DHRS3: variants seen among roughly 807,000 people sequenced by gnomAD.
DHRS3 encodes short-chain dehydrogenase/reductase 3.
Under a neutral mutation model 27.2 loss-of-function variants are expected in DHRS3, and 14 were observed. The ratio of observed to expected loss-of-function variants is 0.52; its 90% CI spans 0.34 to 0.81. The LOEUF (loss-of-function observed/expected upper bound fraction) is 0.81. Among genes scored for constraint, DHRS3 ranks in the 30% least tolerant of loss-of-function variants. The probability of loss-of-function intolerance (pLI) is 0.01; values close to 1 mark genes in which losing one functional copy is unlikely to be tolerated. For synonymous variants in DHRS3, 165 were observed against 175.9 expected, an observed-to-expected ratio of 0.94 and a Z score of 0.49; for missense variants, 322 against 406.2, an observed-to-expected ratio of 0.79 and a Z score of 1.78.
intron 1 of DHRS3, among the ~76,000 whole-genome samples, chr1:12,583,612 TCCA>T (rs1646666574): frequency 1.5e-5 from 2 of 135,338 alleles, no homozygotes; most frequent in Admixed American, 1.5e-4. Flanking sequence ...CATCCATCCA[TCCA>T]TCCATCCATC....
Position 12,592,506 on chromosome 1 carries a change from C to T in DHRS3, c.196-11840G>A, listed in dbSNP as rs747140117. Reference sequence around the variant, plus strand: ...ACGGCAGTGAGGCGGCCACAAGCCACGCGATGCCAGGAGCTGCCAAGAGCC... The same window carrying T: ...ACGGCAGTGAGGCGGCCACAAGCCATGCGATGCCAGGAGCTGCCAAGAGCC... On this transcript the variant is annotated intron_variant, in intron 1 of 5. Coordinates refer to ENST00000616661, the MANE Select transcript of DHRS3 (RefSeq NM_004753.7). This position sits in a 1 kb window ranked among gnomAD's most constrained non-coding sequence, Gnocchi z 4.2. Among the ~76,000 whole-genome samples the T allele has an allele frequency of 2.4e-4, 37 of 152,190 alleles. No homozygotes were observed. Among genetic ancestry groups the T allele is most frequent in the Non-Finnish European group, 4.7e-4 (32 of 68,024 alleles).
chr1:12,616,785 A>G (rs1570408126), intron 1 of DHRS3: 1 of 1,115,716 alleles, frequency 9.0e-7, no homozygotes, highest in African/African-American at 1.9e-5. Flanking sequence ...GAGTGCGCAC[A>G]CCCTGCACTC....
Position 12,617,365 on chromosome 1 carries a change from C to T in DHRS3, c.-17G>A. The T allele has an allele frequency of 3.8e-6, 6 of 1,593,266 alleles. No homozygotes were observed. Among genetic ancestry groups the T allele is most frequent in the East Asian group, 2.3e-5 (1 of 44,142 alleles). On this transcript the variant is annotated 5_prime_UTR_variant, in exon 1 of 6. Coordinates refer to ENST00000616661, the MANE Select transcript of DHRS3 (RefSeq NM_004753.7). ...CCACACCATCCTCCGCGCCGCGGAG[C>T]CGGGCAGGGGGCGAAACTCCCCGGG...
intron 1 of DHRS3, among the ~76,000 whole-genome samples, chr1:12,585,465 G>A (rs1292802057): frequency 6.6e-6 from 1 of 152,144 alleles, no homozygotes; most frequent in Non-Finnish European, 1.5e-5. Context: ...TGGATGCTGG[G>A]AGTCGCAGGG....
Position 12,593,298 on chromosome 1 carries a change from G to C in DHRS3, c.196-12632C>G, listed in dbSNP as rs1214891449. 6.6e-6 allele frequency among the ~76,000 whole-genome samples: 1 copy of C among 152,188 alleles called. No individual in the cohort carries two copies. The highest frequency in any genetic ancestry group is 1.5e-5 in the Non-Finnish European group (1 of 68,028). ...CTACCTTAGGGCCTTTGTACTGGCTGCTCTCTGTTCTCTTTTCCCAAGTAT... is the reference window on the plus strand; with the variant it reads ...CTACCTTAGGGCCTTTGTACTGGCTCCTCTCTGTTCTCTTTTCCCAAGTAT... On this transcript the variant is annotated intron_variant, in intron 1 of 5. Transcript: ENST00000616661. The surrounding 1 kb of genome is among the most constrained non-coding windows in gnomAD (Gnocchi z 4.6).
In DHRS3 at chr1:12,593,391, C is replaced by T. The variant is rs1010804426; in HGVS notation, c.196-12725G>A. Reference sequence around the variant, plus strand: ...TTATGATTATTATTATTTGTAGAGACGGGGGTATCACATTGTTGCCCAGGC... The same window carrying T: ...TTATGATTATTATTATTTGTAGAGATGGGGGTATCACATTGTTGCCCAGGC... On this transcript the variant is annotated intron_variant, in intron 1 of 5. Transcript: ENST00000616661. The surrounding 1 kb of genome is among the most constrained non-coding windows in gnomAD (Gnocchi z 4.6). 1.3e-5 allele frequency among the ~76,000 whole-genome samples: 2 copies of T among 152,004 alleles called. No homozygotes were observed. The highest frequency in any genetic ancestry group is 2.9e-5 in the Non-Finnish European group (2 of 67,998).
At chr1:12,582,326 T>G (rs993540591) in intron 1 of DHRS3, among the ~76,000 whole-genome samples, 13 of 152,342 alleles carry the variant, frequency 8.5e-5, no homozygotes, top group Non-Finnish European at 1.8e-4. Context: ...ATTAGAGTTT[T>G]AAAAGCTTTC....
rs1414790710 is a variant in DHRS3 at position 12,568,374 on chromosome 1, T to C, written c.875A>G (p.Tyr292Cys). Residue 292 changes from tyrosine (Y) to cysteine (C), a missense_variant, in exon 6 of 6, where the codon TAC becomes TGC. Tyr to Cys is a radical substitution (Grantham distance 194). Coordinates refer to ENST00000616661, the MANE Select transcript of DHRS3 (RefSeq NM_004753.7). Reference sequence around the variant, plus strand: ...CCCTTTGAAAGTGTTCATGCAGGTGTAGGTTCCTGAGAATTTGTGGATCTC... The same window carrying C: ...CCCTTTGAAAGTGTTCATGCAGGTGCAGGTTCCTGAGAATTTGTGGATCTC... ...LEEIHKFSGTYTCMNTFKGRT is the reference protein window; with the variant it reads ...LEEIHKFSGTCTCMNTFKGRT 1.9e-6 allele frequency: 3 copies of C among 1,613,846 alleles called. No homozygotes were observed. The highest frequency in any genetic ancestry group is 1.3e-5 in the African/African-American group (1 of 74,916).
At chr1:12,590,089 T>C (rs2100687580) in intron 1 of DHRS3, among the ~76,000 whole-genome samples, 1 of 152,140 alleles carries the variant, frequency 6.6e-6, no homozygotes, top group South Asian at 2.1e-4. Flanking sequence ...CCTGAGAAGG[T>C]AGAGACCAGC....
At chr1:12,610,008 G>A (rs188281907) in intron 1 of DHRS3, among the ~76,000 whole-genome samples, 2 of 151,992 alleles carry the variant, frequency 1.3e-5, no homozygotes, top group African/African-American at 2.4e-5. Flanking sequence ...TCAGGCCCTC[G>A]CATTCCCATC....
intron 5 of DHRS3, among the ~76,000 whole-genome samples, chr1:12,570,305 T>C (rs957039137): frequency 5.3e-5 from 8 of 152,238 alleles, no homozygotes; most frequent in Non-Finnish European, 2.9e-5. Flanking sequence ...ACCCGTTTAC[T>C]TGTCAAGCCT....
At chr1:12,583,077 T>A (rs1646658710) in intron 1 of DHRS3, among the ~76,000 whole-genome samples, 1 of 143,710 alleles carries the variant, frequency 7.0e-6, no homozygotes, top group South Asian at 2.3e-4. Context: ...ATTCCATTAA[T>A]CTGTCCACTC....
In DHRS3 at chr1:12,617,313, G is replaced by T. The variant is rs958866055; in HGVS notation, c.36C>A (p.Phe12Leu). The T allele has an allele frequency of 6.2e-7, 1 of 1,607,674 alleles. No individual in the cohort carries two copies. The highest frequency in any genetic ancestry group is 1.3e-5 in the African/African-American group (1 of 74,676). ...VWKRLGALVM[F>L]PLQMIYLVVK... ...CCACCAGATAGATCATCTGTAGAGG[G>T]AACATCACCAGCGCGCCCAGCCGTT... Residue 12 changes from phenylalanine (F) to leucine (L), a missense_variant, in exon 1 of 6, where the codon TTC becomes TTA. Transcript: ENST00000616661.
In DHRS3 at chr1:12,617,521, A is replaced by T; in HGVS notation, c.-173T>A. The T allele has an allele frequency of 6.9e-4, 120 of 173,026 alleles. No individual in the cohort carries two copies. The highest frequency in any genetic ancestry group is 1.6e-3 in the East Asian group (17 of 10,624). 10.7% of individuals were successfully genotyped at this position (173,026 alleles called of 1,614,324 possible). On this transcript the variant is annotated 5_prime_UTR_variant, in exon 1 of 6. Transcript: ENST00000616661. ...ATGCAAAGCACCGGGTGAGAAAAAG[A>T]AAAAAAAAAAAAAAAAAAAGATAAA...
chr1:12,600,313 AG>A, intron 1 of DHRS3: 2 of 982,236 alleles, frequency 2.0e-6, no homozygotes, highest in Non-Finnish European at 2.4e-6. Flanking sequence ...CTGCTGGCTG[AG>A]GAGGTGTGAG....
chr1:12,568,469 A>G, intron 5 of DHRS3, 45 bp from the exon 6 acceptor site: 2 of 1,592,204 alleles, frequency 1.3e-6, no homozygotes, highest in Admixed American at 1.7e-5. Context: ...TTAGTGGGGC[A>G]GGATCCAGGG....
chr1:12,568,234 C>A lies in DHRS3; in HGVS notation c.*106G>T, dbSNP rs1009276581. The A allele has an allele frequency of 2.7e-6, 3 of 1,102,414 alleles. No individual in the cohort carries two copies. Among genetic ancestry groups the A allele is most frequent in the Non-Finnish European group, 4.1e-6 (3 of 726,484 alleles). 68.3% of individuals were successfully genotyped at this position (1,102,414 alleles called of 1,614,324 possible). A position where few individuals can be genotyped will look rare whatever the true frequency, so the allele number is the denominator to read the frequency against. On this transcript the variant is annotated 3_prime_UTR_variant, in exon 6 of 6. Coordinates refer to ENST00000616661, the MANE Select transcript of DHRS3 (RefSeq NM_004753.7). ...ATTCTTCGCTGGGGACAGGAGCTGTCCTGCTCACCCAGCAGAAGCATGCCA... is the reference window on the plus strand; with the variant it reads ...ATTCTTCGCTGGGGACAGGAGCTGTACTGCTCACCCAGCAGAAGCATGCCA...
chr1:12,575,834 G>C (rs1646581760), intron 4 of DHRS3, among the ~76,000 whole-genome samples: 1 of 152,080 alleles, frequency 6.6e-6, no homozygotes. Context: ...AGCCTCCTGA[G>C]TAGCTGGGAT....
At chr1:12,583,323 TCATC>T (rs533930418) in intron 1 of DHRS3, among the ~76,000 whole-genome samples, 52 of 126,648 alleles carry the variant, frequency 4.1e-4, no homozygotes, top group Middle Eastern at 5.6e-3. Context: ...CCTACTCCAT[TCATC>T]CATCCATCCA....
Sources: gnomAD v4.1 joint callset for allele counts (sites outside exome capture counted in the v4.1 genomes callset) on GRCh38, gnomAD v4.1.1 for gene constraint, Gnocchi (gnomAD v3.1) non-coding constraint, MANE v1.5 for transcripts, NCBI Gene and HGNC (gene_info 2026-07-23, HGNC 2026-07-21) for gene names.